The following ROR1 variants were observed in gnomAD, a reference collection of about 807,000 sequenced individuals.
ROR1 encodes the protein inactive tyrosine-protein kinase transmembrane receptor ROR1.
In ROR1, 19 loss-of-function variants were observed where a neutral mutation model predicts 78.8. The observed-to-expected ratio is 0.24, with a 90% CI of 0.17 to 0.35. The LOEUF is 0.35. ROR1 is among the 10% of genes least tolerant of loss of function. The pLI is 1.00. For synonymous variants in ROR1, 386 were observed against 433.6 expected (o/e 0.89, Z 1.36); for missense variants, 917 against 1,177.8 (o/e 0.78, Z 3.24).
intron 1 of ROR1, among the ~76,000 whole-genome samples, chr1:63,864,171 A>T (rs1477405618): frequency 6.6e-6 from 1 of 152,180 alleles, no homozygotes; most frequent in African/African-American, 2.4e-5. Context: ...ATTAAGTAAA[A>T]CTTATTCAAG....
intron 1 of ROR1, among the ~76,000 whole-genome samples, chr1:63,965,258 C>T (rs183577692): frequency 1.6e-4 from 24 of 152,244 alleles, no homozygotes; most frequent in Admixed American, 1.6e-3. Flanking sequence ...ACTAAACTGG[C>T]CCGCCTTCTT....
intron 1 of ROR1, among the ~76,000 whole-genome samples, chr1:63,858,201 A>G (rs1296564129): frequency 3.3e-5 from 5 of 152,090 alleles, no homozygotes; most frequent in Non-Finnish European, 7.4e-5. Context: ...TTTAGGCCCC[A>G]TGTTTATTTT....
chr1:63,849,572 C>T (rs1311836956), intron 1 of ROR1, among the ~76,000 whole-genome samples: 1 of 152,044 alleles, frequency 6.6e-6, no homozygotes, highest in African/African-American at 2.4e-5. Flanking sequence ...GGGGTGGGCG[C>T]CTGTGGTCCC....
chr1:63,838,503 A>G (rs596199), intron 1 of ROR1, among the ~76,000 whole-genome samples: 31,364 of 152,018 alleles, frequency 0.21, 6,782 homozygotes, highest in African/African-American at 0.55. Context: ...ATGTTTAAAT[A>G]GAAAAAAGCT....
At chr1:63,918,792 G>C (rs1354733892) in intron 1 of ROR1, among the ~76,000 whole-genome samples, 2 of 152,160 alleles carry the variant, frequency 1.3e-5, no homozygotes, top group Admixed American at 6.5e-5. Flanking sequence ...ATGAGGCTGA[G>C]TGCGTGGAAC....
chr1:64,035,206 T>C (rs1233993766), intron 2 of ROR1, among the ~76,000 whole-genome samples: 2 of 152,314 alleles, frequency 1.3e-5, no homozygotes, highest in Middle Eastern at 3.4e-3. Flanking sequence ...TAGAAAATAG[T>C]GATGCTTGTG....
chr1:64,149,237 T>C (rs919380847), intron 7 of ROR1, among the ~76,000 whole-genome samples: 1 of 152,166 alleles, frequency 6.6e-6, no homozygotes, highest in Non-Finnish European at 1.5e-5. Context: ...ATCTCCATTT[T>C]CCTAAAGGAA....
At chr1:64,104,651 C>A (rs1171215247) in intron 4 of ROR1, among the ~76,000 whole-genome samples, 1 of 152,032 alleles carries the variant, frequency 6.6e-6, no homozygotes, top group Non-Finnish European at 1.5e-5. Flanking sequence ...GTGCTGTTCC[C>A]CTCCCTGTGT....
intron 1 of ROR1, among the ~76,000 whole-genome samples, chr1:63,812,852 C>T (rs1342134725): frequency 1.3e-5 from 2 of 152,090 alleles, no homozygotes; most frequent in African/African-American, 4.8e-5. Context: ...TTATAGATGA[C>T]AGAGCTGAGT....
chr1:64,039,570 C>G (rs990965163), intron 2 of ROR1, among the ~76,000 whole-genome samples: 1 of 152,208 alleles, frequency 6.6e-6, no homozygotes, highest in East Asian at 1.9e-4. Context: ...CTAGTTCTTC[C>G]TAGCACAGGG....
chr1:64,087,996 T>C (rs745377654), intron 4 of ROR1, among the ~76,000 whole-genome samples: 1 of 152,210 alleles, frequency 6.6e-6, no homozygotes, highest in African/African-American at 2.4e-5. Context: ...GCTCCTGCTT[T>C]CGTTGGGGAT....
chr1:63,805,482 A>G (rs879398302), intron 1 of ROR1, among the ~76,000 whole-genome samples: 12 of 152,274 alleles, frequency 7.9e-5, no homozygotes, highest in African/African-American at 1.2e-4. Context: ...ATAAAAAAGT[A>G]TAATGCAGTT....
intron 2 of ROR1, among the ~76,000 whole-genome samples, chr1:64,044,167 C>T (rs567093368): frequency 2.0e-5 from 3 of 152,304 alleles, no homozygotes; most frequent in East Asian, 1.9e-4. Context: ...CTCTCTGACT[C>T]ATACCGTTCA....
chr1:63,845,447 A>G (rs1557524146), intron 1 of ROR1, among the ~76,000 whole-genome samples: 1 of 152,236 alleles, frequency 6.6e-6, no homozygotes, highest in Non-Finnish European at 1.5e-5. Context: ...TATTTGGAGT[A>G]TATCTCTGTA....
At position 63,774,850 on chromosome 1, in the gene ROR1, C is replaced by T. The variant is rs1644603937; in HGVS notation, c.91+342C>T. On this transcript the variant is annotated intron_variant, in intron 1 of 8. Transcript: ENST00000371079. This position sits in a 1 kb window ranked among gnomAD's most constrained non-coding sequence, Gnocchi z 5.7. ...GTGCAGGGCGTCCCCCCTTGTCTCCCTGGACCTCTAGCGCGCCCCAGCCGG... is the reference window on the plus strand; with the variant it reads ...GTGCAGGGCGTCCCCCCTTGTCTCCTTGGACCTCTAGCGCGCCCCAGCCGG... Among the ~76,000 whole-genome samples the T allele has an allele frequency of 6.6e-6, 1 of 152,088 alleles. No homozygotes were observed. Among genetic ancestry groups the T allele is most frequent in the African/African-American group, 2.4e-5 (1 of 41,448 alleles).
chr1:63,964,573 C>T (rs1334495209), intron 1 of ROR1, among the ~76,000 whole-genome samples: 1 of 152,228 alleles, frequency 6.6e-6, no homozygotes, highest in East Asian at 1.9e-4. Flanking sequence ...CCCTTCCCCA[C>T]TCGGAGCTTA....
chr1:64,037,252 T>C (rs1281000206), intron 2 of ROR1, among the ~76,000 whole-genome samples: 1 of 152,154 alleles, frequency 6.6e-6, no homozygotes, highest in African/African-American at 2.4e-5. Context: ...TCAAACAATT[T>C]GCAGATAGTT....
chr1:64,004,926 T>G (rs1646416353), intron 1 of ROR1, among the ~76,000 whole-genome samples: 1 of 152,060 alleles, frequency 6.6e-6, no homozygotes, highest in Non-Finnish European at 1.5e-5. Context: ...AGGTTTGCCC[T>G]CCTAAAAGAG....
chr1:63,829,732 C>T (rs574101780), intron 1 of ROR1, among the ~76,000 whole-genome samples: 1 of 152,210 alleles, frequency 6.6e-6, no homozygotes, highest in Non-Finnish European at 1.5e-5. Flanking sequence ...GATCAAGGAG[C>T]GCTTTGCAGG....
Sources: allele counts gnomAD v4.1 joint callset (sites outside exome capture counted in the v4.1 genomes callset), GRCh38; gene constraint gnomAD v4.1.1; non-coding constraint Gnocchi (gnomAD v3.1); transcripts MANE v1.5; gene names NCBI Gene and HGNC (gene_info 2026-07-23, HGNC 2026-07-21).